The following CRX variants were observed in gnomAD, a reference collection of about 807,000 sequenced individuals.
CRX encodes cone-rod homeobox protein.
In CRX, 5 loss-of-function variants were observed where a neutral mutation model predicts 13.1. The ratio of observed to expected loss-of-function variants is 0.38; its 90% CI spans 0.20 to 0.80. CRX has a LOEUF of 0.80. Among genes scored for constraint, CRX ranks in the 30% least tolerant of loss-of-function variants. CRX has a pLI of 0.43. For synonymous variants in CRX, 179 were observed against 171.1 expected, an observed-to-expected ratio of 1.05 and a Z score of -0.36; for missense variants, 351 against 391.8, an observed-to-expected ratio of 0.90 and a Z score of 0.88.
At chr19:47,831,682 T>A (rs973001642) in intron 1 of CRX, among the ~76,000 whole-genome samples, 2 of 152,184 alleles carry the variant, frequency 1.3e-5, no homozygotes, top group East Asian at 1.9e-4. Flanking sequence ...GACTCCCAGA[T>A]GACTTGGAAA....
chr19:47,836,433 T>G (rs530642693), intron 3 of CRX, 39 bp downstream of exon 3: 1 of 1,613,922 alleles, frequency 6.2e-7, no homozygotes, highest in African/African-American at 1.3e-5. Context: ...CGACACTTCC[T>G]GTGATCTCAG....
At position 47,840,397 on chromosome 19, in the gene CRX, TTTTTTGTTTTG is replaced by T. The variant is rs1441625118; in HGVS notation, c.*442_*452del. Reference sequence around the variant, plus strand: ...AACTTTCCACGTGGACAGAATTTTTTTTTTTGTTTTGTTTTTGTTTTGCAGACACAGTCTAG... The same window carrying T: ...AACTTTCCACGTGGACAGAATTTTTTTTTTTGTTTTGCAGACACAGTCTAG... On this transcript the variant is annotated 3_prime_UTR_variant, in exon 4 of 4. Transcript: ENST00000221996. 4 of 217,420 alleles carry T rather than the reference TTTTTTGTTTTG, an allele frequency of 1.8e-5. No individual in the cohort carries two copies. The highest frequency in any genetic ancestry group is 1.2e-4 in the East Asian group (1 of 8,302). The allele number at this position is 217,420 out of a possible 1,614,324, so 13.5% of individuals were successfully genotyped here. A position where few individuals can be genotyped will look rare whatever the true frequency, so the allele number is the denominator to read the frequency against.
intron 2 of CRX, among the ~76,000 whole-genome samples, chr19:47,835,747 G>A (rs11672340): frequency 0.17 from 25,566 of 148,268 alleles, 2,501 homozygotes; most frequent in Non-Finnish European, 0.22. Flanking sequence ...TCAGCCTCCC[G>A]AGTAGCTGGG....
chr19:47,842,827 C>G lies in CRX; in HGVS notation c.*2860C>G, dbSNP rs181436261. ...TCTGCACTGGAGGCCGGGACTCAGG[C>G]GTGGAAGAGAATCTTCTCCTTATTC... On this transcript the variant is annotated 3_prime_UTR_variant, in exon 4 of 4. Coordinates refer to ENST00000221996, the MANE Select transcript of CRX (RefSeq NM_000554.6). 6.6e-6 allele frequency: 1 copy of G among 152,326 alleles called. No individual in the cohort carries two copies. Among genetic ancestry groups the G allele is most frequent in the African/African-American group, 2.4e-5 (1 of 41,492 alleles). 9.4% of individuals were successfully genotyped at this position (152,326 alleles called of 1,614,324 possible).
intron 3 of CRX, among the ~76,000 whole-genome samples, chr19:47,837,565 T>C (rs1208871063): frequency 6.6e-6 from 1 of 152,214 alleles, no homozygotes; most frequent in Non-Finnish European, 1.5e-5. Context: ...TAGGTATGAC[T>C]GGATGGATTA....
intron 1 of CRX, among the ~76,000 whole-genome samples, chr19:47,833,274 T>TTTTTGTTTTG (rs990070838): frequency 2.0e-5 from 3 of 150,256 alleles, no homozygotes; most frequent in Non-Finnish European, 4.4e-5. Context: ...TGTTTTTGTT[T>TTTTTGTTTTG]TTTTGTTTTG....
Position 47,839,300 on chromosome 19 carries a change from T to C in CRX, c.253-20T>C, listed in dbSNP as rs1968159986. The C allele has an allele frequency of 3.1e-6, 5 of 1,610,994 alleles. No individual in the cohort carries two copies. The highest frequency in any genetic ancestry group is 4.2e-6 in the Non-Finnish European group (5 of 1,179,024). ...CCTCTTCCCCACTTACCCACCCCCATCTCCGCTCTTATCCCCCAGGTTTGG... is the reference window on the plus strand; with the variant it reads ...CCTCTTCCCCACTTACCCACCCCCACCTCCGCTCTTATCCCCCAGGTTTGG... On this transcript the variant is annotated intron_variant, in intron 3 of 3. Transcript: ENST00000221996. The surrounding 1 kb of genome is among the most constrained non-coding windows in gnomAD (Gnocchi z 4.6).
Position 47,824,647 on chromosome 19 carries a change from G to A in CRX, c.-36+2637G>A, listed in dbSNP as rs190965023. 2.3e-4 allele frequency among the ~76,000 whole-genome samples: 35 copies of A among 152,190 alleles called. No homozygotes were observed. The East Asian group carries it at 4.3e-3, about 19-fold the overall frequency. On this transcript the variant is annotated intron_variant, in intron 1 of 3. Coordinates refer to ENST00000221996, the MANE Select transcript of CRX (RefSeq NM_000554.6). ...CTCCCTCCCAGGCTCAGTCTCCCCC[G>A]CTGTAGAATGGAGTTATCTGCATGT...
chr19:47,827,078 T>C lies in CRX; in HGVS notation c.-36+5068T>C, dbSNP rs1599970482. On this transcript the variant is annotated intron_variant, in intron 1 of 3. Transcript: ENST00000221996. ...GCTCTGTCATTTCTGCAATATCCTGTTGGTTACACACGTCAGCCAGCTTGT... is the reference window on the plus strand; with the variant it reads ...GCTCTGTCATTTCTGCAATATCCTGCTGGTTACACACGTCAGCCAGCTTGT... Among the ~76,000 whole-genome samples, 3 of 152,304 alleles carry C rather than the reference T, an allele frequency of 2.0e-5. No homozygotes were observed. The East Asian group carries it at 5.8e-4, about 29-fold the overall frequency.
intron 3 of CRX, among the ~76,000 whole-genome samples, chr19:47,838,208 T>C (rs2123741619): frequency 6.7e-6 from 1 of 149,940 alleles, no homozygotes; most frequent in East Asian, 1.9e-4. Flanking sequence ...GATAAATGTA[T>C]GCATGATGCA....
rs1243263780 is a variant in CRX at position 47,840,310 on chromosome 19, G to A, written c.*343G>A. On this transcript the variant is annotated 3_prime_UTR_variant, in exon 4 of 4. Transcript: ENST00000221996. ...CAAACCAAACTTGCAGTTGATTTGG[G>A]GTCATGTTTAGGTCAGAATCACCGT... 11 of 331,402 alleles carry A rather than the reference G, an allele frequency of 3.3e-5. No individual in the cohort carries two copies. The East Asian group carries it at 7.6e-4, about 23-fold the overall frequency. The allele number at this position is 331,402 out of a possible 1,614,324, so 20.5% of individuals were successfully genotyped here. A position where few individuals can be genotyped will look rare whatever the true frequency, so the allele number is the denominator to read the frequency against.
At chr19:47,825,008 T>TTTTTTTTG (rs1555800861) in intron 1 of CRX, among the ~76,000 whole-genome samples, 1 of 149,042 alleles carries the variant, frequency 6.7e-6, no homozygotes, top group African/African-American at 2.5e-5. Context: ...TTTTTTTTTT[T>TTTTTTTTG]GGGATGGAGT....
Position 47,839,423 on chromosome 19 carries a change from G to C in CRX, c.356G>C (p.Arg119Thr), listed in dbSNP as rs763430802. ...CAGGCCAAGGCCCGGCCTGCCAAGA[G>C]GAAGGCGGGCACGTCCCCAAGACCC... Reference protein sequence around the residue: ...GGQAKARPAKRKAGTSPRPST... With the variant: ...GGQAKARPAKTKAGTSPRPST... Residue 119 changes from arginine (R) to threonine (T), a missense_variant, in exon 4 of 4, where the codon AGG (arginine) becomes ACG (threonine). Physicochemically the swap from Arg to Thr is moderately conservative, Grantham distance 71 (BLOSUM62 -1). Around this residue, in one of 3 missense-constraint regions of CRX, gnomAD observed 253 missense variants for 268.3 expected, o/e 0.94. Coordinates refer to ENST00000221996, the MANE Select transcript of CRX (RefSeq NM_000554.6). This position sits in a 1 kb window ranked among gnomAD's most constrained non-coding sequence, Gnocchi z 4.6. The C allele has an allele frequency of 4.3e-6, 7 of 1,613,740 alleles. No homozygotes were observed. The highest frequency in any genetic ancestry group is 5.9e-6 in the Non-Finnish European group (7 of 1,179,876).
In CRX at chr19:47,836,264, G is replaced by A. The variant is rs61748436; in HGVS notation, c.122G>A (p.Arg41Gln). The A allele has an allele frequency of 8.1e-6, 13 of 1,614,018 alleles. No individual in the cohort carries two copies. The highest frequency in any genetic ancestry group is 1.1e-5 in the Non-Finnish European group (13 of 1,180,026). The change falls in exon 3 of 4, where the codon CGG (arginine) becomes CAG (glutamine). Residue 41 changes from arginine (R) to glutamine (Q), a missense_variant. By Grantham distance (43) the Arg-to-Gln change is conservative. Around this residue, in one of 3 missense-constraint regions of CRX, gnomAD observed 95 missense variants for 106.7 expected, o/e 0.89. Transcript: ENST00000221996. ...PYPSAPRKQR[R>Q]ERTTFTRSQL... ...CCAGGCGCCCCCAGGAAGCAGCGGCGGGAGCGCACCACCTTCACCCGGAGC... is the reference window on the plus strand; with the variant it reads ...CCAGGCGCCCCCAGGAAGCAGCGGCAGGAGCGCACCACCTTCACCCGGAGC...
chr19:47,834,635 C>T, intron 2 of CRX, 92 bp downstream of exon 2: 3 of 994,134 alleles, frequency 3.0e-6, no homozygotes, highest in Non-Finnish European at 4.7e-6. Context: ...AAGGCAATCA[C>T]AGGGGCGACT....
At position 47,840,134 on chromosome 19, in the gene CRX, C is replaced by T; in HGVS notation, c.*167C>T. On this transcript the variant is annotated 3_prime_UTR_variant, in exon 4 of 4. Coordinates refer to ENST00000221996, the MANE Select transcript of CRX (RefSeq NM_000554.6). ...TTACAGAGACCACCCCTTTCCTCCA[C>T]AGGGAGAGGCTCCTCCCTCTCCTGG... 5 of 712,410 alleles carry T rather than the reference C, an allele frequency of 7.0e-6. No individual in the cohort carries two copies. The highest frequency in any genetic ancestry group is 1.2e-5 in the Non-Finnish European group (5 of 424,122). 44.1% of individuals were successfully genotyped at this position (712,410 alleles called of 1,614,324 possible). A position where few individuals can be genotyped will look rare whatever the true frequency, so the allele number is the denominator to read the frequency against.
In CRX at chr19:47,839,910, T is replaced by C; in HGVS notation, c.843T>C (p.Asn281=). 3 of 1,613,788 alleles carry C rather than the reference T, an allele frequency of 1.9e-6. No homozygotes were observed. The highest frequency in any genetic ancestry group is 1.7e-6 in the Non-Finnish European group (2 of 1,179,956). Residue 281 remains asparagine, a synonymous_variant, in exon 4 of 4, where the codon AAT becomes AAC. Transcript: ENST00000221996. This position sits in a 1 kb window ranked among gnomAD's most constrained non-coding sequence, Gnocchi z 4.6. ...CGGGCACCTGGAAATTCACCTACAA[T>C]CCCATGGACCCTCTGGACTACAAGG... is the stretch of plus-strand genomic sequence containing the variant. ...DPTGTWKFTY[N]PMDPLDYKDQ...
In CRX at chr19:47,840,003, G is replaced by C; in HGVS notation, c.*36G>C. The C allele has an allele frequency of 2.5e-6, 4 of 1,607,706 alleles. No homozygotes were observed. The highest frequency in any genetic ancestry group is 2.5e-6 in the Non-Finnish European group (3 of 1,179,260). Reference sequence around the variant, plus strand: ...CTCCATCTCTCTCCATCGGGCCTCGGGACCCTTTCTCTTCTGAATCTGCTT... The same window carrying C: ...CTCCATCTCTCTCCATCGGGCCTCGCGACCCTTTCTCTTCTGAATCTGCTT... On this transcript the variant is annotated 3_prime_UTR_variant, in exon 4 of 4. Transcript: ENST00000221996.
chr19:47,839,168 A>G lies in CRX; in HGVS notation c.253-152A>G. ...TATGATTGGATGGATAGATGGATGG[A>G]TGGGTGAATAGACGCCCCACAGCTG... On this transcript the variant is annotated intron_variant, in intron 3 of 3. Transcript: ENST00000221996. This position sits in a 1 kb window ranked among gnomAD's most constrained non-coding sequence, Gnocchi z 4.6. 1 of 766,242 alleles carries G rather than the reference A, an allele frequency of 1.3e-6. No homozygotes were observed. The highest frequency in any genetic ancestry group is 1.7e-5 in the South Asian group (1 of 58,422). 47.5% of individuals were successfully genotyped at this position (766,242 alleles called of 1,614,324 possible).
Sources: gnomAD v4.1 joint callset for allele counts (sites outside exome capture counted in the v4.1 genomes callset) on GRCh38, gnomAD v4.1.1 for gene constraint, gnomAD v4.1.1 regional missense constraint, Gnocchi (gnomAD v3.1) non-coding constraint, MANE v1.5 for transcripts, NCBI Gene and HGNC (gene_info 2026-07-23, HGNC 2026-07-21) for gene names.